The following ARHGEF38 variants were observed in gnomAD, a reference collection of about 807,000 sequenced individuals.
ARHGEF38 encodes Rho guanine nucleotide exchange factor (GEF) 38.
In ARHGEF38, 79 loss-of-function variants were observed where a neutral mutation model predicts 79.9. The ratio of observed to expected loss-of-function variants is 0.99; its 90% confidence interval spans 0.82 to 1.19. ARHGEF38 has a LOEUF of 1.19. Among genes scored for constraint, ARHGEF38 ranks in the 50% most tolerant of loss-of-function variants. The pLI, the probability that ARHGEF38 is intolerant of heterozygous loss-of-function variation, is 0.00. For synonymous variants in ARHGEF38, 366 were observed against 328.3 expected (o/e 1.11, Z -1.24); for missense variants, 962 against 907.2 (o/e 1.06, Z -0.78).
At chr4:105,661,577 C>T (rs1286627414) in intron 10 of ARHGEF38, among the ~76,000 whole-genome samples, 1 of 149,880 alleles carries the variant, frequency 6.7e-6, no homozygotes, top group African/African-American at 2.5e-5. Context: ...ATTTGTATTT[C>T]CCTGATCAGC....
intron 1 of ARHGEF38, among the ~76,000 whole-genome samples, chr4:105,560,992 T>C (rs1725492066): frequency 6.6e-6 from 1 of 152,170 alleles, no homozygotes; most frequent in South Asian, 2.1e-4. Context: ...CCCTCCCAGA[T>C]AAAAACAAGC....
chr4:105,577,544 C>G (rs1279543059), intron 1 of ARHGEF38, among the ~76,000 whole-genome samples: 1 of 151,642 alleles, frequency 6.6e-6, no homozygotes, highest in Non-Finnish European at 1.5e-5. Flanking sequence ...TCCATCTGGT[C>G]CTGGGTTTTT....
At chr4:105,659,886 T>TGTGTGTGTGTGTGTGC (rs35842406) in intron 10 of ARHGEF38, among the ~76,000 whole-genome samples, 33 of 150,522 alleles carry the variant, frequency 2.2e-4, no homozygotes, top group African/African-American at 7.9e-4. Flanking sequence ...TGTGTGTGTG[T>TGTGTGTGTGTGTGTGC]GTAGCTTCGC....
intron 6 of ARHGEF38, among the ~76,000 whole-genome samples, chr4:105,648,076 G>T (rs986692583): frequency 6.6e-6 from 1 of 151,780 alleles, no homozygotes; most frequent in Non-Finnish European, 1.5e-5. Flanking sequence ...TTTTAGTAGA[G>T]ACGAGGTTTC....
In ARHGEF38 at chr4:105,617,582, G is replaced by C. The variant is rs1728559445; in HGVS notation, c.508+4075G>C. Reference sequence around the variant, plus strand: ...AGCACCACTTTACAAATCAACCAGAGTGTCCTAACATGGCATTGGACTATT... The same window carrying C: ...AGCACCACTTTACAAATCAACCAGACTGTCCTAACATGGCATTGGACTATT... On this transcript the variant is annotated intron_variant, in intron 3 of 13. Transcript: ENST00000420470. Among the ~76,000 whole-genome samples, 5 of 152,152 alleles carry C rather than the reference G, an allele frequency of 3.3e-5. No homozygotes were observed. The South Asian group carries it at 1.0e-3, about 32-fold the overall frequency.
chr4:105,635,509 G>A (rs1004934669), intron 4 of ARHGEF38, among the ~76,000 whole-genome samples: 4 of 151,970 alleles, frequency 2.6e-5, no homozygotes, highest in African/African-American at 2.4e-5. Context: ...CAACTTCAAT[G>A]TATGTGTTTT....
intron 5 of ARHGEF38, 93 bp from the exon 6 acceptor site, chr4:105,645,095 A>G: frequency 1.1e-6 from 1 of 946,766 alleles, no homozygotes; most frequent in Non-Finnish European, 1.4e-6. Context: ...AAAAGAGAAA[A>G]TGTTTTAGAA....
rs1054574556 is a variant in ARHGEF38, at chr4:105,592,436, A to G, written c.384+3001A>G. Reference sequence around the variant, plus strand: ...CCTTCTGATGGCACCGAGACCTCCAAACTATGGACATTACTACCATTTCTC... The same window carrying G: ...CCTTCTGATGGCACCGAGACCTCCAGACTATGGACATTACTACCATTTCTC... On this transcript the variant is annotated intron_variant, in intron 2 of 13. Coordinates refer to ENST00000420470, the MANE Select transcript of ARHGEF38 (RefSeq NM_001242729.2). Among the ~76,000 whole-genome samples the G allele has an allele frequency of 5.3e-5, 8 of 151,278 alleles. 1 individual carries two copies. Among genetic ancestry groups the G allele is most frequent in the Admixed American group, 5.3e-4 (8 of 15,216 alleles).
chr4:105,613,109 C>T (rs1355405534), intron 2 of ARHGEF38, among the ~76,000 whole-genome samples: 4 of 152,056 alleles, frequency 2.6e-5, no homozygotes, highest in Admixed American at 2.6e-4. Flanking sequence ...ACCAATTAGG[C>T]CCAAATCTTC....
At position 105,561,535 on chromosome 4, in the gene ARHGEF38, GAATA is replaced by G. The variant is rs1560684939; in HGVS notation, c.196+8575_196+8578del. The G allele has an allele frequency of 2.5e-4, 37 of 149,160 alleles. 2 individuals are homozygous for G. The highest frequency in any genetic ancestry group is 3.5e-3 in the Middle Eastern group (1 of 288). 9.2% of individuals were successfully genotyped at this position (149,160 alleles called of 1,614,324 possible). On this transcript the variant is annotated intron_variant, in intron 1 of 13. Transcript: ENST00000420470. ...GAATAGAATAGAATAGAATAGAATA[GAATA>G]GAAAAGTTTCTTTCCCCAGATCTCT...
At chr4:105,630,091 T>C (rs998738834) in intron 3 of ARHGEF38, among the ~76,000 whole-genome samples, 8 of 152,192 alleles carry the variant, frequency 5.3e-5, no homozygotes, top group African/African-American at 1.9e-4. Flanking sequence ...CTATGAACTT[T>C]ACAAATACCA....
intron 10 of ARHGEF38, among the ~76,000 whole-genome samples, chr4:105,660,035 G>A (rs561136945): frequency 4.2e-4 from 64 of 152,230 alleles, no homozygotes; most frequent in African/African-American, 1.3e-3. Context: ...GAATGAGATG[G>A]ACAGCTATTC....
In ARHGEF38 at chr4:105,622,304, A is replaced by G. The variant is rs148192687; in HGVS notation, c.509-8594A>G. On this transcript the variant is annotated intron_variant, in intron 3 of 13. Coordinates refer to ENST00000420470, the MANE Select transcript of ARHGEF38 (RefSeq NM_001242729.2). ...CGAAAAGTCACATATTGCGCAGGAT[A>G]CACATAGAAATACATTTCTAAATCC... Among the ~76,000 whole-genome samples, 346 of 152,266 alleles carry G rather than the reference A, an allele frequency of 2.3e-3. 4 individuals carry two copies. The highest frequency in any genetic ancestry group is 3.5e-3 in the South Asian group (17 of 4,810).
At chr4:105,623,185 G>A (rs529282049) in intron 3 of ARHGEF38, among the ~76,000 whole-genome samples, 1 of 152,328 alleles carries the variant, frequency 6.6e-6, no homozygotes, top group Non-Finnish European at 1.5e-5. Flanking sequence ...ACCCAGAACA[G>A]TGTCTTTAAT....
rs1731288148 is a variant in ARHGEF38 at position 105,680,890 on chromosome 4, A to T, written c.*2953A>T. 6.6e-6 allele frequency: 1 copy of T among 152,192 alleles called. No homozygotes were observed. The highest frequency in any genetic ancestry group is 1.5e-5 in the Non-Finnish European group (1 of 68,012). 9.4% of individuals were successfully genotyped at this position (152,192 alleles called of 1,614,324 possible). A position where few individuals can be genotyped will look rare whatever the true frequency, so the allele number is the denominator to read the frequency against. ...TTTCATTTCAAGTGCCAATGTGTGAACTGTAATAAACATTACTGCTTTCAT... is the reference window on the plus strand; with the variant it reads ...TTTCATTTCAAGTGCCAATGTGTGATCTGTAATAAACATTACTGCTTTCAT... On this transcript the variant is annotated 3_prime_UTR_variant, in exon 14 of 14. Transcript: ENST00000420470.
chr4:105,612,053 C>T (rs1351818417), intron 2 of ARHGEF38, among the ~76,000 whole-genome samples: 2 of 152,052 alleles, frequency 1.3e-5, no homozygotes, highest in South Asian at 2.1e-4. Context: ...TGAAGTCATG[C>T]TTCCACATTC....
At chr4:105,603,654 G>T (rs540921467) in intron 2 of ARHGEF38, among the ~76,000 whole-genome samples, 1 of 152,218 alleles carries the variant, frequency 6.6e-6, no homozygotes, top group East Asian at 1.9e-4. Context: ...CTGCCATTCA[G>T]CCTTGCAGGC....
chr4:105,651,293 G>C (rs1332930842), intron 7 of ARHGEF38, among the ~76,000 whole-genome samples: 1 of 152,188 alleles, frequency 6.6e-6, no homozygotes, highest in East Asian at 1.9e-4. Flanking sequence ...AGCTGCATAG[G>C]CTGGACGGGA....
intron 10 of ARHGEF38, among the ~76,000 whole-genome samples, chr4:105,660,980 A>G (rs545374941): frequency 2.5e-4 from 38 of 152,112 alleles, no homozygotes; most frequent in Non-Finnish European, 4.6e-4. Flanking sequence ...GTACCCATCC[A>G]CATTTTTTCC....
Sources: allele counts gnomAD v4.1 joint callset (sites outside exome capture counted in the v4.1 genomes callset), GRCh38; gene constraint gnomAD v4.1.1; transcripts MANE v1.5; gene names NCBI Gene and HGNC (gene_info 2026-07-23, HGNC 2026-07-21).